ZNF701: variants seen among roughly 807,000 people sequenced by gnomAD.
ZNF701 encodes the protein zinc finger protein 701.
In ZNF701, 6 loss-of-function variants were observed where a neutral mutation model predicts 7.1. That is an observed-to-expected ratio of 0.84 (90% confidence interval 0.46 to 1.66). ZNF701 has a LOEUF of 1.66. Among genes scored for constraint, ZNF701 ranks in the 40% most tolerant of loss-of-function variants. The pLI, the probability that ZNF701 is intolerant of heterozygous loss-of-function variation, is 0.01. For synonymous variants in ZNF701, 166 were observed against 188.2 expected (o/e 0.88, Z 0.97); for missense variants, 541 against 559.2 (o/e 0.97, Z 0.33).
intron 3 of ZNF701, among the ~76,000 whole-genome samples, chr19:52,580,552 C>T (rs1242606775): frequency 1.3e-5 from 2 of 152,098 alleles, no homozygotes; most frequent in African/African-American, 4.8e-5. Flanking sequence ...CCTTATAGTG[C>T]TGTGTATAGT....
Position 52,576,072 on chromosome 19 carries a change from T to C in ZNF701, c.142+51T>C, listed in dbSNP as rs774379716. ...GGGGATGTGCCCTTGTGGATCTTTGTATTTTCTCTTGTTGCCTCTTGGGAG... is the reference window on the plus strand; with the variant it reads ...GGGGATGTGCCCTTGTGGATCTTTGCATTTTCTCTTGTTGCCTCTTGGGAG... On this transcript the variant is annotated intron_variant, in intron 3 of 3. Coordinates refer to ENST00000391785, the MANE Select transcript of ZNF701 (RefSeq NM_018260.3). 8 of 1,606,848 alleles carry C rather than the reference T, an allele frequency of 5.0e-6. No individual in the cohort carries two copies. In the East Asian group the frequency reaches 1.8e-4, roughly 36 times the overall value.
At chr19:52,588,150 C>CTG (rs759069143), downstream of ZNF701, among the ~76,000 whole-genome samples, 19 of 151,350 alleles carry the variant, frequency 1.3e-4, no homozygotes, top group Non-Finnish European at 2.5e-4. Context: ...GAGGTCTCCC[C>CTG]TGTGTGTGTG....
chr19:52,583,836 G>T lies in ZNF701; in HGVS notation c.*379G>T. 3 of 539,238 alleles carry T rather than the reference G, an allele frequency of 5.6e-6. No homozygotes were observed. The highest frequency in any genetic ancestry group is 5.4e-5 in the South Asian group (3 of 55,962). 33.4% of individuals were successfully genotyped at this position (539,238 alleles called of 1,614,324 possible). A position where few individuals can be genotyped will look rare whatever the true frequency, so the allele number is the denominator to read the frequency against. On this transcript the variant is annotated 3_prime_UTR_variant, in exon 4 of 4. Coordinates refer to ENST00000391785, the MANE Select transcript of ZNF701 (RefSeq NM_018260.3). ...AGTCTTCAGTAATATTACAGCCATTGCAAAACATTGGAGAATCCATAATGA... is the reference window on the plus strand; with the variant it reads ...AGTCTTCAGTAATATTACAGCCATTTCAAAACATTGGAGAATCCATAATGA...
chr19:52,595,562 A>G, the ZNF701 span: 2 of 759,884 alleles, frequency 2.6e-6, no homozygotes, highest in South Asian at 3.7e-5. Flanking sequence ...GAGCCACTGC[A>G]CCTGGCCTAC....
At chr19:52,574,349 T>G (rs1055014207) in intron 2 of ZNF701, among the ~76,000 whole-genome samples, 187 bp downstream of exon 2, 1 of 151,988 alleles carries the variant, frequency 6.6e-6, no homozygotes, top group African/African-American at 2.4e-5. Flanking sequence ...GACATGAACT[T>G]GGGAAGAGGC....
In ZNF701 at chr19:52,582,207, T is replaced by A; in HGVS notation, c.148T>A (p.Ser50Thr). The A allele has an allele frequency of 6.3e-7, 1 of 1,577,310 alleles. No homozygotes were observed. ...TTTGTGTTTATATTTTGTAGATACC[T>A]CTTCCAAATGCATGATGAAGATGTT... is the stretch of plus-strand genomic sequence containing the variant. The part of the protein sequence containing the change: ...NYRNLVSLDT[S>T]SKCMMKMFSS... Residue 50 changes from serine (S) to threonine (T), a missense_variant, in exon 4 of 4, where the codon TCT becomes ACT. Physicochemically the swap from Ser to Thr is moderately conservative, Grantham distance 58. Transcript: ENST00000391785.
At chr19:52,591,399 T>C (rs938084132), downstream of ZNF701, among the ~76,000 whole-genome samples, 2 of 152,176 alleles carry the variant, frequency 1.3e-5, no homozygotes, top group Non-Finnish European at 2.9e-5. Flanking sequence ...CAGGTTGTTC[T>C]TGAACTCCTG....
chr19:52,588,532 G>A (rs2060024416), downstream of ZNF701: 1 of 334,288 alleles, frequency 3.0e-6, no homozygotes, highest in Non-Finnish European at 5.8e-6. Context: ...TTACACACAG[G>A]ATTGATTTCC....
At chr19:52,591,538 A>AG (rs2060036863), downstream of ZNF701, among the ~76,000 whole-genome samples, 1 of 152,102 alleles carries the variant, frequency 6.6e-6, no homozygotes, top group Non-Finnish European at 1.5e-5. Context: ...GCCCAAGCTG[A>AG]GTTGCAGTGG....
intron 1 of ZNF701, among the ~76,000 whole-genome samples, chr19:52,571,824 T>A (rs1387764420): frequency 6.6e-6 from 1 of 151,790 alleles, no homozygotes; most frequent in Non-Finnish European, 1.5e-5. Flanking sequence ...ACCGCAACCC[T>A]TTTTGGTTTT....
In ZNF701 at chr19:52,583,758, C is replaced by A; in HGVS notation, c.*301C>A. 2 of 678,120 alleles carry A rather than the reference C, an allele frequency of 2.9e-6. No homozygotes were observed. The highest frequency in any genetic ancestry group is 3.3e-5 in the South Asian group (2 of 60,070). 42.0% of individuals were successfully genotyped at this position (678,120 alleles called of 1,614,324 possible). A position where few individuals can be genotyped will look rare whatever the true frequency, so the allele number is the denominator to read the frequency against. On this transcript the variant is annotated 3_prime_UTR_variant, in exon 4 of 4. Coordinates refer to ENST00000391785, the MANE Select transcript of ZNF701 (RefSeq NM_018260.3). ...TGGTGGTCAGTCAACACTTACTCAC[C>A]ATCAAGCAATCCATGGTATAGGGAA...
chr19:52,571,626 T>C (rs763256267), intron 1 of ZNF701, among the ~76,000 whole-genome samples: 22 of 151,802 alleles, frequency 1.4e-4, no homozygotes, highest in East Asian at 3.9e-4. Context: ...TCCCAAAGTG[T>C]TGGAATTACA....
chr19:52,597,681 G>A, the ZNF701 span: 2 of 308,970 alleles, frequency 6.5e-6, no homozygotes, highest in African/African-American at 4.4e-5. Context: ...CTGATTAGAA[G>A]GGGCAGGGCC....
At chr19:52,572,928 C>G (rs1045694934) in intron 1 of ZNF701, among the ~76,000 whole-genome samples, 2 of 152,222 alleles carry the variant, frequency 1.3e-5, no homozygotes, top group African/African-American at 2.4e-5. Flanking sequence ...TAAATGCTCA[C>G]AGCACTGTCC....
chr19:52,571,096 C>T (rs1403035780), intron 1 of ZNF701, among the ~76,000 whole-genome samples: 1 of 102,096 alleles, frequency 9.8e-6, no homozygotes, highest in Non-Finnish European at 2.2e-5. Context: ...CAAGAGACAG[C>T]AAAAGTGAAA....
chr19:52,578,279 GAA>G (rs2059950213), intron 3 of ZNF701, among the ~76,000 whole-genome samples: 1 of 109,988 alleles, frequency 9.1e-6, no homozygotes, highest in Admixed American at 9.1e-5. Flanking sequence ...AAAAAAAAAA[GAA>G]GTGTATAGAA....
chr19:52,591,279 T>A (rs2147007655), downstream of ZNF701, among the ~76,000 whole-genome samples: 1 of 152,262 alleles, frequency 6.6e-6, no homozygotes, highest in East Asian at 1.9e-4. Flanking sequence ...CAGAGTTCTA[T>A]CGATTTTTCT....
chr19:52,597,385 AT>A, the ZNF701 span: 1 of 534,818 alleles, frequency 1.9e-6, no homozygotes, highest in South Asian at 1.4e-5. Context: ...TGGGCACTCC[AT>A]GCAGAACATC....
In ZNF701 at chr19:52,582,202, A is replaced by G. The variant is rs188648874; in HGVS notation, c.143A>G (p.Asp48Gly). ...LENYRNLVSL[D>G]TSSKCMMKMF... is the part of the protein sequence containing the mutation. ...ACCTATTTGTGTTTATATTTTGTAG[A>G]TACCTCTTCCAAATGCATGATGAAG... The change falls in exon 4 of 4, where the codon GAT becomes GGT. Residue 48 changes from aspartate (D) to glycine (G), a missense_variant and splice_region_variant. Transcript: ENST00000391785. 2.5e-6 allele frequency: 4 copies of G among 1,573,266 alleles called. No individual in the cohort carries two copies. In the African/African-American group the frequency reaches 4.1e-5, roughly 16 times the overall value.
Sources: gnomAD v4.1 joint callset for allele counts (sites outside exome capture counted in the v4.1 genomes callset) on GRCh38, gnomAD v4.1.1 for gene constraint, MANE v1.5 for transcripts, NCBI Gene and HGNC (gene_info 2026-07-23, HGNC 2026-07-21) for gene names.